Variants in BCAR1 observed in about 807,000 individuals in gnomAD.
The protein encoded by BCAR1 is BCAR1 scaffold protein, Cas family member.
A neutral mutation model predicts 67.6 loss-of-function variants in BCAR1; 30 were observed. The ratio of observed to expected loss-of-function variants is 0.44; its 90% CI spans 0.33 to 0.60. BCAR1 has a LOEUF of 0.60. BCAR1 is among the 20% of genes least tolerant of loss of function. The pLI is 0.02. For missense variants in BCAR1, 1,313 were observed against 1,222.3 expected, an observed-to-expected ratio of 1.07 and a Z score of -1.11; for synonymous variants, 626 against 556.7, an observed-to-expected ratio of 1.12 and a Z score of -1.75.
At chr16:75,260,351 T>C (rs993597387) in intron 1 of BCAR1, among the ~76,000 whole-genome samples, 1 of 152,038 alleles carries the variant, frequency 6.6e-6, no homozygotes, top group Non-Finnish European at 1.5e-5. Flanking sequence ...TCAAAACTCA[T>C]CCAACTGCCA....
chr16:75,259,858 A>AG (rs2077862327), intron 1 of BCAR1, among the ~76,000 whole-genome samples: 1 of 147,472 alleles, frequency 6.8e-6, no homozygotes, highest in African/African-American at 2.6e-5. Flanking sequence ...TCTAAAAAAA[A>AG]AAAAAAAAAA....
intron 1 of BCAR1, chr16:75,250,817 GCTAGGACTCCT>G (rs1439030527): frequency 1.0e-6 from 1 of 985,448 alleles, no homozygotes; most frequent in Admixed American, 6.1e-5. Flanking sequence ...CTCGCGTGCG[GCTAGGACTCCT>G]GTGGCCAGGA....
intron 1 of BCAR1, among the ~76,000 whole-genome samples, chr16:75,256,849 G>A (rs768965561): frequency 3.7e-4 from 57 of 152,160 alleles, no homozygotes; most frequent in Non-Finnish European, 6.9e-4. Context: ...GCTGGCAGGT[G>A]GGGCAGGCAC....
chr16:75,266,695 A>G lies in BCAR1; in HGVS notation c.66+1220T>C, dbSNP rs372502782. 14 of 1,370,678 alleles carry G rather than the reference A, an allele frequency of 1.0e-5. No homozygotes were observed. The African/African-American group carries it at 1.9e-4, about 18-fold the overall frequency. 84.9% of individuals were successfully genotyped at this position (1,370,678 alleles called of 1,614,324 possible). On this transcript the variant is annotated intron_variant, in intron 1 of 6. Coordinates refer to the BCAR1 transcript ENST00000393422. ...ATGCCCCGTTACATTTCATAGGCCC[A>G]GGCACTGAGATCCCTCACCCACTCA...
In BCAR1 at chr16:75,242,670, T is replaced by C. The variant is rs1308153016; in HGVS notation, c.433A>G (p.Thr145Ala). ...GGTGTCTGCTTCGAGAAGGTGGATG[T>C]CTGCTTGGCTGGGGGAGACTGGAAC... Reference protein sequence around the residue: ...PQFQSPPAKQTSTFSKQTPHH... With the variant: ...PQFQSPPAKQASTFSKQTPHH... The change falls in exon 2 of 7, where the codon ACA becomes GCA. Residue 145 changes from threonine to alanine, a missense_variant. Coordinates refer to ENST00000162330, the MANE Select transcript of BCAR1 (RefSeq NM_014567.5). 2 of 1,530,668 alleles carry C rather than the reference T, an allele frequency of 1.3e-6. No homozygotes were observed. Among genetic ancestry groups the C allele is most frequent in the Non-Finnish European group, 8.8e-7 (1 of 1,140,412 alleles). 94.8% of individuals were successfully genotyped at this position (1,530,668 alleles called of 1,614,324 possible).
At chr16:75,264,373 G>C (rs1438570295) in intron 1 of BCAR1, 1 of 1,531,106 alleles carries the variant, frequency 6.5e-7, no homozygotes, top group Non-Finnish European at 8.7e-7. Context: ...AGGCTCAGGT[G>C]GTCCGCCTTG....
rs148948091 is a variant in BCAR1, at chr16:75,235,633, T to C, written c.1266A>G (p.Ala422=). Residue 422 remains alanine, a synonymous_variant, in exon 5 of 7, where the codon GCA becomes GCG. Transcript: ENST00000162330. ...TGGAGGCCGACAGGCGCTTGCCCTC[T>C]GCCGGGGCTTCACGTTCAGCTGGGG... The part of the protein sequence containing the change: ...VPPPAEREAP[A]EGKRLSASST... 3 of 1,606,626 alleles carry C rather than the reference T, an allele frequency of 1.9e-6. No homozygotes were observed. Among genetic ancestry groups the C allele is most frequent in the Admixed American group, 1.7e-5 (1 of 59,554 alleles).
chr16:75,263,925 G>A, intron 1 of BCAR1: 2 of 1,085,738 alleles, frequency 1.8e-6, no homozygotes, highest in Non-Finnish European at 1.1e-6. Context: ...CTCACACACT[G>A]CCCAAGGTCC....
chr16:75,265,975 G>C (rs1422869394), intron 1 of BCAR1: 20 of 1,059,166 alleles, frequency 1.9e-5, no homozygotes, highest in Admixed American at 5.4e-5. Flanking sequence ...CCCGGACGCC[G>C]GACTGTCCGG....
At chr16:75,243,462 C>T (rs781683474) in intron 1 of BCAR1, 11 of 557,324 alleles carry the variant, frequency 2.0e-5, no homozygotes, top group Admixed American at 9.7e-5. Flanking sequence ...CAAGTTAAAA[C>T]AAATAGCAAA....
chr16:75,263,132 C>T (rs2077941073), intron 1 of BCAR1: 1 of 895,894 alleles, frequency 1.1e-6, no homozygotes, highest in South Asian at 5.1e-5. Context: ...AGGAGCCATC[C>T]CTCAACGAAG....
In BCAR1 at chr16:75,233,904, T is replaced by G; in HGVS notation, c.2042A>C (p.Glu681Ala). The change falls in exon 6 of 7, where the codon GAG becomes GCG. Residue 681 changes from glutamate to alanine, a missense_variant. Physicochemically the swap from Glu to Ala is moderately radical, Grantham distance 107 (BLOSUM62 -1). Coordinates refer to ENST00000162330, the MANE Select transcript of BCAR1 (RefSeq NM_014567.5). The stretch of plus-strand genomic sequence containing the variant: ...CGTGATGCTGCCCTTTTCCAGCAGC[T>G]CCTTCTGGGTCTTCTCAAACTCCTC... The part of the protein sequence containing the change: ...GKEEFEKTQK[E>A]LLEKGSITRQ... 1 of 1,610,468 alleles carries G rather than the reference T, an allele frequency of 6.2e-7. No individual in the cohort carries two copies. The highest frequency in any genetic ancestry group is 8.5e-7 in the Non-Finnish European group (1 of 1,178,556).
Position 75,245,954 on chromosome 16 carries a change from T to C in BCAR1, c.13-2864A>G, listed in dbSNP as rs936066954. The C allele has an allele frequency of 2.1e-5, 3 of 146,244 alleles. No homozygotes were observed. The East Asian group carries it at 6.1e-4, about 30-fold the overall frequency. The allele number at this position is 146,244 out of a possible 1,614,324, so 9.1% of individuals were successfully genotyped here. A position where few individuals can be genotyped will look rare whatever the true frequency, so the allele number is the denominator to read the frequency against. Reference sequence around the variant, plus strand: ...CTGCTGGATGACAGCCCTCATTTCATAGGATTGTTCTTTTTTTTTTTTTTT... The same window carrying C: ...CTGCTGGATGACAGCCCTCATTTCACAGGATTGTTCTTTTTTTTTTTTTTT... On this transcript the variant is annotated intron_variant, in intron 1 of 6. Coordinates refer to ENST00000162330, the MANE Select transcript of BCAR1 (RefSeq NM_014567.5).
At chr16:75,244,290 C>A (rs997234427) in intron 1 of BCAR1, among the ~76,000 whole-genome samples, 1 of 152,258 alleles carries the variant, frequency 6.6e-6, no homozygotes, top group Non-Finnish European at 1.5e-5. Context: ...ACCATCCCCA[C>A]TTGGGCCCAA....
intron 6 of BCAR1, among the ~76,000 whole-genome samples, chr16:75,232,109 C>G (rs1233791468): frequency 6.6e-6 from 1 of 151,922 alleles, no homozygotes; most frequent in African/African-American, 2.4e-5. Flanking sequence ...GTCTCGAACT[C>G]CCGACCTCAG....
chr16:75,248,323 CA>C (rs1458729945), intron 1 of BCAR1: 42 of 1,366,294 alleles, frequency 3.1e-5, no homozygotes, highest in Non-Finnish European at 3.9e-5. Context: ...ACTTGGGAAA[CA>C]CTGACTTCTT....
rs778318567 is a variant in BCAR1 at position 75,243,055 on chromosome 16, G to A, written c.48C>T (p.Ala16=). 1.9e-5 allele frequency: 31 copies of A among 1,606,852 alleles called. No individual in the cohort carries two copies. Among genetic ancestry groups the A allele is most frequent in the Middle Eastern group, 1.7e-4 (1 of 6,040 alleles). Residue 16 remains alanine (A), a synonymous_variant, in exon 2 of 7, where the codon GCC becomes GCT. Coordinates refer to ENST00000162330, the MANE Select transcript of BCAR1 (RefSeq NM_014567.5). ...GGAAGGAGAGCTCATCCGGGGACTC[G>A]GCCACATTGTCATAGAGCGCTTTGG... ...VLAKALYDNV[A]ESPDELSFRK...
At chr16:75,263,191 C>T (rs2077942351) in intron 1 of BCAR1, 36 of 985,084 alleles carry the variant, frequency 3.7e-5, no homozygotes, top group Non-Finnish European at 4.2e-5. Flanking sequence ...AGATGGGAAG[C>T]AAGAAGCAGA....
In BCAR1 at chr16:75,263,393, C is replaced by T. The variant is rs1019142796; in HGVS notation, c.66+4522G>A. ...GAAGAGTCAGGCCCAGAGCGCTGGG[C>T]GAGAGGAAGGCATGGGAATACCCAC... On this transcript the variant is annotated intron_variant, in intron 1 of 6. Coordinates refer to the BCAR1 transcript ENST00000393422. 1.1e-5 allele frequency: 11 copies of T among 985,288 alleles called. No homozygotes were observed. In the South Asian group the frequency reaches 2.3e-4, roughly 21 times the overall value. The allele number at this position is 985,288 out of a possible 1,614,324, so 61.0% of individuals were successfully genotyped here.
Sources: gnomAD v4.1 joint callset for allele counts (sites outside exome capture counted in the v4.1 genomes callset) on GRCh38, gnomAD v4.1.1 for gene constraint, MANE v1.5 for transcripts, NCBI Gene and HGNC (gene_info 2026-07-23, HGNC 2026-07-21) for gene names.